The following NRXN3 variants were observed in gnomAD, a reference collection of about 807,000 sequenced individuals.
NRXN3 encodes neurexin III.
NRXN3 carries 32 observed loss-of-function variants against 137.6 expected under a neutral mutation model. The observed-to-expected ratio is 0.23, with a 90% CI of 0.18 to 0.31. The LOEUF is 0.31. Among genes scored for constraint, NRXN3 ranks in the 10% least tolerant of loss-of-function variants. The probability of loss-of-function intolerance (pLI) is 1.00; values close to 1 mark genes in which losing one functional copy is unlikely to be tolerated. For missense variants in NRXN3, 1,574 were observed against 2,062.5 expected (o/e 0.76, Z 4.59); for synonymous variants, 798 against 784.5 (o/e 1.02, Z -0.29).
intron 15 of NRXN3, among the ~76,000 whole-genome samples, chr14:79,083,172 GA>G (rs1225188431): frequency 6.6e-6 from 1 of 152,204 alleles, no homozygotes; most frequent in African/African-American, 2.4e-5. Flanking sequence ...CTGAGGCACA[GA>G]AGTCTTTTTC....
chr14:78,600,972 T>C (rs1242503365), intron 4 of NRXN3, among the ~76,000 whole-genome samples: 1 of 152,202 alleles, frequency 6.6e-6, no homozygotes, highest in Admixed American at 6.5e-5. Context: ...GATCTTACAA[T>C]TCTACTTCTC....
chr14:78,606,236 T>C (rs1178551722), intron 4 of NRXN3, among the ~76,000 whole-genome samples: 2 of 152,230 alleles, frequency 1.3e-5, no homozygotes, highest in African/African-American at 4.8e-5. Context: ...ATACAAGCTA[T>C]GCTCAATGCA....
intron 4 of NRXN3, among the ~76,000 whole-genome samples, chr14:78,611,161 T>G (rs551082112): frequency 6.6e-6 from 1 of 152,276 alleles, no homozygotes; most frequent in African/African-American, 2.4e-5. Flanking sequence ...TAAATGCAGC[T>G]GCCCCTCATT....
rs148826819 is a variant in NRXN3 at position 79,775,604 on chromosome 14, C to T, written c.4015-29508C>T. On this transcript the variant is annotated intron_variant, in intron 19 of 20. Transcript: ENST00000335750. ...ATCCAGTAGGAATTCATTGAGTAAGCCAAGGTTACAATCTGCTGGACTTCA... is the reference window on the plus strand; with the variant it reads ...ATCCAGTAGGAATTCATTGAGTAAGTCAAGGTTACAATCTGCTGGACTTCA... Among the ~76,000 whole-genome samples, 26 of 147,660 alleles carry T rather than the reference C, an allele frequency of 1.8e-4. No individual in the cohort carries two copies. The East Asian group carries it at 4.8e-3, about 27-fold the overall frequency.
At chr14:78,368,293 G>T (rs1465416377) in intron 4 of NRXN3, among the ~76,000 whole-genome samples, 1 of 152,198 alleles carries the variant, frequency 6.6e-6, no homozygotes, top group Non-Finnish European at 1.5e-5. Flanking sequence ...GGTATGGAGC[G>T]TGGAAATAAA....
chr14:78,341,960 T>C (rs1205515022), intron 4 of NRXN3, among the ~76,000 whole-genome samples: 1 of 152,192 alleles, frequency 6.6e-6, no homozygotes. Context: ...AGCTGGTTTT[T>C]ACCTTGCTCT....
chr14:78,209,333 AAGG>A (rs1488160369), intron 1 of NRXN3, among the ~76,000 whole-genome samples: 1 of 152,150 alleles, frequency 6.6e-6, no homozygotes, highest in African/African-American at 2.4e-5. Context: ...AGCAGGGCTG[AAGG>A]AGAACACAGA....
chr14:79,136,546 T>G (rs961547964), intron 15 of NRXN3, among the ~76,000 whole-genome samples: 5 of 152,174 alleles, frequency 3.3e-5, no homozygotes, highest in Non-Finnish European at 7.4e-5. Context: ...CTGAATGGAT[T>G]AAAAGATAAT....
At chr14:79,308,933 A>T (rs1248199178) in intron 15 of NRXN3, among the ~76,000 whole-genome samples, 87 of 118,262 alleles carry the variant, frequency 7.4e-4, no homozygotes, top group Non-Finnish European at 1.2e-3. Flanking sequence ...TTATTTTTTA[A>T]TTTTTTTTTT....
At chr14:79,516,119 A>G (rs532490060) in intron 16 of NRXN3, among the ~76,000 whole-genome samples, 1 of 152,286 alleles carries the variant, frequency 6.6e-6, no homozygotes, top group South Asian at 2.1e-4. Flanking sequence ...CTGGGGCACT[A>G]CAAAGCTTAG....
chr14:79,538,591 T>G (rs1379034695), intron 16 of NRXN3, among the ~76,000 whole-genome samples: 1 of 152,178 alleles, frequency 6.6e-6, no homozygotes, highest in Non-Finnish European at 1.5e-5. Flanking sequence ...GGGTGGTTTG[T>G]TTTTTTCTTG....
chr14:79,205,282 CAGTT>C (rs1597256180), intron 15 of NRXN3, among the ~76,000 whole-genome samples: 2 of 152,234 alleles, frequency 1.3e-5, no homozygotes, highest in East Asian at 1.9e-4. Flanking sequence ...ATCCATTTAA[CAGTT>C]AGTTGTATTT....
At chr14:78,534,209 G>A (rs1224486120) in intron 4 of NRXN3, among the ~76,000 whole-genome samples, 1 of 152,170 alleles carries the variant, frequency 6.6e-6, no homozygotes, top group Non-Finnish European at 1.5e-5. Context: ...GGATTTTGCT[G>A]CCTCTCTCTT....
At chr14:79,557,624 C>G (rs1177866905) in intron 16 of NRXN3, among the ~76,000 whole-genome samples, 1 of 152,058 alleles carries the variant, frequency 6.6e-6, no homozygotes, top group Non-Finnish European at 1.5e-5. Context: ...AAGTAATGTA[C>G]AAACCTTAAT....
intron 10 of NRXN3, among the ~76,000 whole-genome samples, chr14:78,856,912 T>C (rs2099058878): frequency 6.6e-6 from 1 of 152,174 alleles, no homozygotes; most frequent in Admixed American, 6.5e-5. Context: ...TTTTGTATTT[T>C]TGTAGAAACA....
chr14:78,220,735 T>C (rs1288008533), intron 1 of NRXN3, among the ~76,000 whole-genome samples: 3 of 151,928 alleles, frequency 2.0e-5, no homozygotes, highest in Admixed American at 2.0e-4. Context: ...GTGGCAGGGC[T>C]TGGAGAAAGA....
At chr14:79,347,909 G>C (rs547375681) in intron 15 of NRXN3, among the ~76,000 whole-genome samples, 7 of 152,278 alleles carry the variant, frequency 4.6e-5, no homozygotes, top group African/African-American at 2.4e-5. Context: ...TTTTGAGAGC[G>C]AAGTGACGAT....
At chr14:78,621,623 AT>A (rs754605823) in intron 4 of NRXN3, among the ~76,000 whole-genome samples, 10 of 152,228 alleles carry the variant, frequency 6.6e-5, no homozygotes, top group Non-Finnish European at 1.2e-4. Flanking sequence ...TTTTTATTCA[AT>A]CATACCAATC....
chr14:78,315,261 G>A (rs897932116), intron 4 of NRXN3, among the ~76,000 whole-genome samples: 1 of 151,974 alleles, frequency 6.6e-6, no homozygotes, highest in African/African-American at 2.4e-5. Flanking sequence ...CCAAAGTGCT[G>A]GGATTACAGG....
Sources: allele counts gnomAD v4.1 joint callset (sites outside exome capture counted in the v4.1 genomes callset), GRCh38; gene constraint gnomAD v4.1.1; transcripts MANE v1.5; gene names NCBI Gene and HGNC (gene_info 2026-07-23, HGNC 2026-07-21).